The following LANCL3 variants were observed in gnomAD, a reference collection of about 807,000 sequenced individuals.
LANCL3 encodes LanC like family member 3, also known as lanC-like protein 3.
In LANCL3, 19 loss-of-function variants were observed where a neutral mutation model predicts 26.5. The observed-to-expected ratio is 0.72, with a 90% CI of 0.50 to 1.05. LANCL3 has a LOEUF of 1.05. Among genes scored for constraint, LANCL3 ranks in the 50% least tolerant of loss-of-function variants. The pLI is 0.00. For missense variants in LANCL3, 318 were observed against 362.7 expected, an observed-to-expected ratio of 0.88 and a Z score of 1.00; for synonymous variants, 160 against 166.6, an observed-to-expected ratio of 0.96 and a Z score of 0.30.
At chrX:37,630,468 C>G (rs1302086262) in intron 1 of LANCL3, among the ~76,000 whole-genome samples, 1 of 105,637 alleles carries the variant, frequency 9.5e-6, no homozygotes, top group Non-Finnish European at 2.0e-5. Flanking sequence ...ATTGCCCTGG[C>G]CAGAACTTCC....
rs1483500575 is a variant in LANCL3 at position 37,682,269 on chromosome X, A to ATTT, written c.*6460_*6462dup. ...AGGCGCCCGCCACTACGCCCGGCTAATTTTTTGTATTTTTAGTAGAGACGG... is the reference window on the plus strand; with the variant it reads ...AGGCGCCCGCCACTACGCCCGGCTAATTTTTTTTTGTATTTTTAGTAGAGACGG... On this transcript the variant is annotated 3_prime_UTR_variant, in exon 5 of 5. Coordinates refer to ENST00000378619, the MANE Select transcript of LANCL3 (RefSeq NM_001170331.2). The ATTT allele has an allele frequency of 9.3e-6, 1 of 107,501 alleles. No individual in the cohort carries two copies. The highest frequency in any genetic ancestry group is 1.9e-5 in the Non-Finnish European group (1 of 51,807). The allele number at this position is 107,501 out of a possible 1,213,427, so 8.9% of individuals were successfully genotyped here.
intron 1 of LANCL3, among the ~76,000 whole-genome samples, chrX:37,611,604 T>C (rs1924872714): frequency 1.8e-5 from 2 of 111,783 alleles, no homozygotes; most frequent in Non-Finnish European, 3.8e-5. Flanking sequence ...AGGACTGATA[T>C]AGACCAGTGT....
chrX:37,617,505 C>T (rs1430977004), intron 1 of LANCL3, among the ~76,000 whole-genome samples: 1 of 111,684 alleles, frequency 9.0e-6, no homozygotes, highest in Non-Finnish European at 1.9e-5. Context: ...AAAGATCCCT[C>T]TTCTGCATTC....
At chrX:37,621,712 A>T (rs1487374441) in intron 1 of LANCL3, among the ~76,000 whole-genome samples, 1 of 112,213 alleles carries the variant, frequency 8.9e-6, no homozygotes, top group Non-Finnish European at 1.9e-5. Context: ...TTCTGATTTT[A>T]TGAGATAGTT....
intron 1 of LANCL3, among the ~76,000 whole-genome samples, chrX:37,583,568 T>C (rs1556417375): frequency 1.8e-5 from 2 of 111,934 alleles, no homozygotes; most frequent in Non-Finnish European, 1.9e-5. Context: ...TATTTTATTC[T>C]CTTTGAAGCA....
intron 1 of LANCL3, among the ~76,000 whole-genome samples, chrX:37,652,312 T>G (rs1209426162): frequency 9.1e-6 from 1 of 110,207 alleles, no homozygotes; most frequent in Non-Finnish European, 1.9e-5. Flanking sequence ...TCAAAGAAAG[T>G]CATCTCTCCT....
intron 1 of LANCL3, among the ~76,000 whole-genome samples, chrX:37,637,288 G>A (rs1244915406): frequency 1.8e-5 from 2 of 111,696 alleles, no homozygotes; most frequent in South Asian, 3.7e-4. Flanking sequence ...CACTATTGCC[G>A]ACCAGAGCTC....
intron 1 of LANCL3, among the ~76,000 whole-genome samples, chrX:37,650,633 G>T (rs1556428527): frequency 9.3e-6 from 1 of 107,304 alleles, no homozygotes; most frequent in African/African-American, 3.4e-5. Context: ...CTGTTAGGAA[G>T]AGGGAGCTAT....
At chrX:37,578,326 C>T (rs1473714140) in intron 1 of LANCL3, among the ~76,000 whole-genome samples, 1 of 111,801 alleles carries the variant, frequency 8.9e-6, no homozygotes, top group Non-Finnish European at 1.9e-5. Context: ...TGACAGGTAC[C>T]GACACGAAAA....
intron 1 of LANCL3, among the ~76,000 whole-genome samples, chrX:37,581,505 A>G (rs782280597): frequency 8.9e-6 from 1 of 112,277 alleles, no homozygotes; most frequent in East Asian, 2.8e-4. Flanking sequence ...ACCTTATTAC[A>G]TCATTCCCAA....
chrX:37,624,603 T>C (rs1435725848), intron 1 of LANCL3, among the ~76,000 whole-genome samples: 3 of 112,116 alleles, frequency 2.7e-5, no homozygotes, highest in Admixed American at 9.5e-5. Flanking sequence ...TAAATCACTG[T>C]AAGTTCCATG....
chrX:37,647,086 G>A (rs1210408251), intron 1 of LANCL3, among the ~76,000 whole-genome samples: 7 of 111,525 alleles, frequency 6.3e-5, no homozygotes, highest in Non-Finnish European at 1.1e-4. Context: ...AGGCCGAGGC[G>A]GGCAGATCAC....
chrX:37,621,098 C>T (rs1925144315), intron 1 of LANCL3, among the ~76,000 whole-genome samples: 2 of 111,804 alleles, frequency 1.8e-5, no homozygotes, highest in Non-Finnish European at 3.8e-5. Context: ...TTAAGAACAT[C>T]TTAATATGAG....
At chrX:37,603,810 A>T (rs1924635673) in intron 1 of LANCL3, among the ~76,000 whole-genome samples, 1 of 112,366 alleles carries the variant, frequency 8.9e-6, no homozygotes, top group South Asian at 3.7e-4. Flanking sequence ...AAAAAGAAAG[A>T]AGTGTTGAAG....
chrX:37,585,911 G>A (rs1452349823), intron 1 of LANCL3, among the ~76,000 whole-genome samples: 2 of 111,669 alleles, frequency 1.8e-5, no homozygotes, highest in Non-Finnish European at 3.8e-5. Flanking sequence ...TTACAATTTG[G>A]CATGTTTTTA....
chrX:37,613,565 C>T (rs968377867), intron 1 of LANCL3, among the ~76,000 whole-genome samples: 4 of 111,800 alleles, frequency 3.6e-5, no homozygotes, highest in African/African-American at 9.8e-5. Context: ...CATACAGGAC[C>T]TCCTCCAAAA....
In LANCL3 at chrX:37,659,421, C is replaced by T. The variant is rs201112983; in HGVS notation, c.698-41C>T. On this transcript the variant is annotated intron_variant, in intron 2 of 4. Coordinates refer to ENST00000378619, the MANE Select transcript of LANCL3 (RefSeq NM_001170331.2). ...TTTTCACTAAATCAAACTAGCTGTC[C>T]TCCCAATTGTGTGAATTTTATGCCT... 1.2e-5 allele frequency: 12 copies of T among 1,022,771 alleles called. No homozygotes were observed. In the East Asian group the frequency reaches 3.0e-4, roughly 26 times the overall value. The allele number at this position is 1,022,771 out of a possible 1,213,427, so 84.3% of individuals were successfully genotyped here.
chrX:37,662,768 A>G (rs965320347), intron 3 of LANCL3, among the ~76,000 whole-genome samples: 5 of 111,078 alleles, frequency 4.5e-5, no homozygotes, highest in Non-Finnish European at 7.6e-5. Context: ...CTATGATGAA[A>G]TGATGTGGCT....
chrX:37,671,275 G>A (rs1926678625), intron 4 of LANCL3, among the ~76,000 whole-genome samples: 2 of 110,396 alleles, frequency 1.8e-5, no homozygotes, highest in Non-Finnish European at 3.8e-5. Context: ...CTATAACAAT[G>A]CAACCCTATA....
Sources: gnomAD v4.1 joint callset for allele counts (sites outside exome capture counted in the v4.1 genomes callset) on GRCh38, gnomAD v4.1.1 for gene constraint, MANE v1.5 for transcripts, NCBI Gene and HGNC (gene_info 2026-07-23, HGNC 2026-07-21) for gene names.